The following SCFD1 variants were observed in gnomAD, a reference collection of about 807,000 sequenced individuals.
SCFD1 encodes sec1 family domain-containing protein 1.
SCFD1 carries 37 observed loss-of-function variants against 103.2 expected under a neutral mutation model. The ratio of observed to expected loss-of-function variants is 0.36; its 90% CI spans 0.28 to 0.47. SCFD1 has a LOEUF of 0.47. Ranked by LOEUF, SCFD1 falls within the 20% of genes least tolerant of loss-of-function variation. The probability of loss-of-function intolerance (pLI) is 1.00; values close to 1 mark genes in which losing one functional copy is unlikely to be tolerated. For synonymous variants in SCFD1, 264 were observed against 245.0 expected, an observed-to-expected ratio of 1.08 and a Z score of -0.73; for missense variants, 639 against 761.2, an observed-to-expected ratio of 0.84 and a Z score of 1.89.
intron 22 of SCFD1, 141 bp downstream of exon 22, chr14:30,722,058 TA>T (rs1420802468): frequency 1.7e-6 from 1 of 581,210 alleles, no homozygotes; most frequent in Non-Finnish European, 3.0e-6. Context: ...TTCTAATTTA[TA>T]AAGCTGCTTA....
At chr14:30,681,176 G>C (rs1042462980) in intron 14 of SCFD1, among the ~76,000 whole-genome samples, 1 of 150,250 alleles carries the variant, frequency 6.7e-6, no homozygotes, top group Non-Finnish European at 1.5e-5. Flanking sequence ...AGCCGAGATC[G>C]TGCTATTGCA....
At chr14:30,705,401 A>G (rs138040838) in intron 17 of SCFD1, among the ~76,000 whole-genome samples, 1 of 152,202 alleles carries the variant, frequency 6.6e-6, no homozygotes, top group African/African-American at 2.4e-5. Flanking sequence ...TCTCTACATC[A>G]GTTCTTTTTA....
chr14:30,696,426 T>A lies in SCFD1; in HGVS notation c.1339+1557T>A, dbSNP rs575546222. 3.9e-5 allele frequency among the ~76,000 whole-genome samples: 6 copies of A among 152,306 alleles called. No individual in the cohort carries two copies. The East Asian group carries it at 1.2e-3, about 29-fold the overall frequency. Reference sequence around the variant, plus strand: ...AAAAAACATGTTGACAGAAAGGCAATCAGTCCTGCTTTTTCCTTTCCCCTT... The same window carrying A: ...AAAAAACATGTTGACAGAAAGGCAAACAGTCCTGCTTTTTCCTTTCCCCTT... On this transcript the variant is annotated intron_variant, in intron 15 of 24. Transcript: ENST00000458591.
At chr14:30,734,271 T>G (rs561734226) in intron 23 of SCFD1, among the ~76,000 whole-genome samples, 2 of 152,208 alleles carry the variant, frequency 1.3e-5, no homozygotes, top group South Asian at 2.1e-4. Context: ...TTGGCTGTTG[T>G]GATTGGGTTC....
At chr14:30,669,305 A>G (rs920261661) in intron 10 of SCFD1, among the ~76,000 whole-genome samples, 1 of 152,184 alleles carries the variant, frequency 6.6e-6, no homozygotes, top group African/African-American at 2.4e-5. Flanking sequence ...ATTATATTTC[A>G]GTCATGCTGG....
intron 14 of SCFD1, chr14:30,683,193 C>G: frequency 8.9e-7 from 1 of 1,119,134 alleles, no homozygotes; most frequent in Non-Finnish European, 1.3e-6. Flanking sequence ...GGAGAGTGTT[C>G]TGGATGGAGA....
At chr14:30,657,015 G>A (rs1025469422) in intron 10 of SCFD1, among the ~76,000 whole-genome samples, 1 of 152,140 alleles carries the variant, frequency 6.6e-6, no homozygotes, top group Non-Finnish European at 1.5e-5. Context: ...TATTTGGTTG[G>A]TGGGGCCCTT....
intron 19 of SCFD1, chr14:30,715,509 T>C (rs1456035592): frequency 6.7e-6 from 1 of 150,034 alleles, no homozygotes; most frequent in Non-Finnish European, 1.5e-5. Context: ...AGGCAGAGGC[T>C]GCAGTGAGCT....
chr14:30,645,500 A>T (rs900369960), intron 7 of SCFD1, among the ~76,000 whole-genome samples: 3 of 151,850 alleles, frequency 2.0e-5, no homozygotes, highest in Non-Finnish European at 4.4e-5. Context: ...GTCATCTCTG[A>T]TTTCTTTTCG....
At chr14:30,693,871 G>T (rs1890494962) in intron 14 of SCFD1, among the ~76,000 whole-genome samples, 1 of 152,060 alleles carries the variant, frequency 6.6e-6, no homozygotes, top group African/African-American at 2.4e-5. Context: ...TGAATTATCT[G>T]AAGCATAACT....
intron 1 of SCFD1, among the ~76,000 whole-genome samples, chr14:30,624,832 C>A (rs1251397565): frequency 6.6e-6 from 1 of 152,148 alleles, no homozygotes; most frequent in Non-Finnish European, 1.5e-5. Context: ...TCTTCCCTCT[C>A]CTTGAACCCA....
At chr14:30,655,224 G>A (rs1319580934) in intron 10 of SCFD1, among the ~76,000 whole-genome samples, 1 of 152,142 alleles carries the variant, frequency 6.6e-6, no homozygotes, top group East Asian at 1.9e-4. Context: ...TTTGAGTAAA[G>A]ATCTAAAGGA....
chr14:30,649,285 C>CTTT (rs1043002093), intron 7 of SCFD1, among the ~76,000 whole-genome samples: 13 of 151,910 alleles, frequency 8.6e-5, no homozygotes, highest in African/African-American at 3.1e-4. Context: ...GATGGGTGCA[C>CTTT]TAAAAGCCCA....
At chr14:30,665,963 A>T (rs994572497) in intron 10 of SCFD1, among the ~76,000 whole-genome samples, 1 of 152,196 alleles carries the variant, frequency 6.6e-6, no homozygotes, top group Non-Finnish European at 1.5e-5. Context: ...CACAATAATA[A>T]TGGGAGACTT....
intron 19 of SCFD1, among the ~76,000 whole-genome samples, chr14:30,713,404 C>G (rs1177760240): frequency 7.1e-6 from 1 of 141,166 alleles, no homozygotes; most frequent in South Asian, 2.1e-4. Context: ...AAAAACCAGA[C>G]AAAAACATAC....
In SCFD1 at chr14:30,633,377, C is replaced by T. The variant is rs143278015; in HGVS notation, c.222-570C>T. Among the ~76,000 whole-genome samples the T allele has an allele frequency of 1.3e-5, 2 of 152,206 alleles. 1 individual carries two copies. Among genetic ancestry groups the T allele is most frequent in the African/African-American group, 4.8e-5 (2 of 41,516 alleles). On this transcript the variant is annotated intron_variant, in intron 3 of 24. Transcript: ENST00000458591. ...GTAAAATGACTTAATCTATAAGATG[C>T]TTACATTCTCTTATGAAACAATAAA...
At position 30,649,600 on chromosome 14, in the gene SCFD1, A is replaced by G; in HGVS notation, c.669+17A>G. Reference sequence around the variant, plus strand: ...GTAGCAGTGGTAAGTTCATGCGGATATCACGTGGAGATAAATAACATTGTG... The same window carrying G: ...GTAGCAGTGGTAAGTTCATGCGGATGTCACGTGGAGATAAATAACATTGTG... On this transcript the variant is annotated intron_variant, in intron 8 of 24. Coordinates refer to ENST00000458591, the MANE Select transcript of SCFD1 (RefSeq NM_016106.4). 2 of 1,554,860 alleles carry G rather than the reference A, an allele frequency of 1.3e-6. No individual in the cohort carries two copies. Among genetic ancestry groups the G allele is most frequent in the Non-Finnish European group, 1.7e-6 (2 of 1,153,178 alleles).
intron 14 of SCFD1, among the ~76,000 whole-genome samples, chr14:30,694,009 G>A (rs1362377991): frequency 1.3e-5 from 2 of 151,934 alleles, no homozygotes; most frequent in Non-Finnish European, 2.9e-5. Context: ...CTACGTTTCC[G>A]TTATCTTAAA....
chr14:30,713,020 G>C (rs1891999999), intron 19 of SCFD1, among the ~76,000 whole-genome samples: 1 of 152,046 alleles, frequency 6.6e-6, no homozygotes, highest in African/African-American at 2.4e-5. Flanking sequence ...TTTTCCATGT[G>C]CTAATATGTT....
Sources: gnomAD v4.1 joint callset for allele counts (sites outside exome capture counted in the v4.1 genomes callset) on GRCh38, gnomAD v4.1.1 for gene constraint, MANE v1.5 for transcripts, NCBI Gene and HGNC (gene_info 2026-07-23, HGNC 2026-07-21) for gene names.